The following SLC5A11 variants were observed in gnomAD, a reference collection of about 807,000 sequenced individuals.
The protein encoded by SLC5A11 is sodium/myo-inositol cotransporter 2.
In SLC5A11, 48 loss-of-function variants were observed where a neutral mutation model predicts 69.8. The ratio of observed to expected loss-of-function variants is 0.69; its 90% CI spans 0.55 to 0.87. SLC5A11 has a LOEUF of 0.87. Ranked by LOEUF, SLC5A11 falls within the 40% of genes least tolerant of loss-of-function variation. The pLI is 0.00. For missense variants in SLC5A11, 784 were observed against 866.1 expected, an observed-to-expected ratio of 0.91 and a Z score of 1.19; for synonymous variants, 319 against 342.4, an observed-to-expected ratio of 0.93 and a Z score of 0.75.
chr16:24,890,129 T>C (rs2048677217), intron 8 of SLC5A11, among the ~76,000 whole-genome samples: 1 of 152,090 alleles, frequency 6.6e-6, no homozygotes, highest in South Asian at 2.1e-4. Flanking sequence ...CATACAGATG[T>C]TTCTATACCG....
chr16:24,890,710 A>G (rs2048735862), intron 8 of SLC5A11, among the ~76,000 whole-genome samples, 159 bp from the exon 10 acceptor site: 1 of 152,010 alleles, frequency 6.6e-6, no homozygotes, highest in African/African-American at 2.4e-5. Context: ...AATTTTTTTA[A>G]GTTAAAAAAA....
intron 6 of SLC5A11, among the ~76,000 whole-genome samples, chr16:24,876,527 G>T (rs930028198): frequency 1.3e-5 from 2 of 152,184 alleles, no homozygotes; most frequent in African/African-American, 2.4e-5. Flanking sequence ...AGCTGTCTTC[G>T]CTTCCAGCCA....
intron 3 of SLC5A11, 135 bp from the exon 5 acceptor site, chr16:24,869,766 G>A: frequency 3.3e-6 from 2 of 610,948 alleles, no homozygotes; most frequent in Non-Finnish European, 2.9e-6. Context: ...AAACAAAAAT[G>A]CCAGATAGGC....
chr16:24,899,713 T>C (rs755548390), intron 10 of SLC5A11, among the ~76,000 whole-genome samples: 55 of 151,468 alleles, frequency 3.6e-4, no homozygotes, highest in Admixed American at 1.2e-3. Flanking sequence ...GCGGTACTTT[T>C]TCTTTTTTTT....
intron 1 of SLC5A11, among the ~76,000 whole-genome samples, chr16:24,855,526 A>C (rs1367206482): frequency 6.6e-6 from 1 of 151,788 alleles, no homozygotes; most frequent in Non-Finnish European, 1.5e-5. Flanking sequence ...TCTTGAGCCT[A>C]GGAGGTTGAA....
At chr16:24,888,359 A>G (rs1336328526) in intron 8 of SLC5A11, among the ~76,000 whole-genome samples, 1 of 152,158 alleles carries the variant, frequency 6.6e-6, no homozygotes, top group Non-Finnish European at 1.5e-5. Context: ...CATACTTAAT[A>G]CAGTCAAAGC....
intron 3 of SLC5A11, 84 bp downstream of exon 4, chr16:24,862,756 A>G: frequency 1.6e-6 from 2 of 1,254,480 alleles, no homozygotes; most frequent in East Asian, 4.7e-5. Flanking sequence ...ATATCTCAGG[A>G]CTCTCTGGTC....
In SLC5A11 at chr16:24,858,685, T is replaced by G. The variant is rs754597708; in HGVS notation, c.42T>G (p.Asp14Glu). 2 of 1,611,308 alleles carry G rather than the reference T, an allele frequency of 1.2e-6. No homozygotes were observed. The highest frequency in any genetic ancestry group is 1.7e-6 in the Non-Finnish European group (2 of 1,179,576). The change falls in exon 2 of 16, where the codon GAT (aspartate) becomes GAG (glutamate). Residue 14 changes from aspartate (D) to glutamate (E), a missense_variant. Around this residue, in one of 3 missense-constraint regions of SLC5A11, gnomAD observed 133 missense variants for 107.4 expected, o/e 1.24. Coordinates refer to ENST00000347898, the Ensembl canonical transcript of SLC5A11. ...GCAGCCCTCAGCCTCCACAGTTAGATCCCCTGGATGCGTTTCCCCAGAAGG... is the reference window on the plus strand; with the variant it reads ...GCAGCCCTCAGCCTCCACAGTTAGAGCCCCTGGATGCGTTTCCCCAGAAGG...
In SLC5A11 at chr16:24,906,973, G is replaced by A. The variant is rs371780696; in HGVS notation, c.1115-52G>A. On this transcript the variant is annotated intron_variant, in intron 11 of 15. Coordinates refer to ENST00000347898, the Ensembl canonical transcript of SLC5A11. ...TCCTCCAGTTGAGCCCACTGGGATC[G>A]GCTGCTTTGGCAGAAAAGGACCGAG... is the stretch of plus-strand genomic sequence containing the variant. 8.8e-6 allele frequency: 14 copies of A among 1,592,766 alleles called. No homozygotes were observed. In the African/African-American group the frequency reaches 1.3e-4, roughly 15 times the overall value.
At chr16:24,881,027 A>G (rs1018895142) in intron 7 of SLC5A11, among the ~76,000 whole-genome samples, 4 of 151,886 alleles carry the variant, frequency 2.6e-5, no homozygotes, top group Non-Finnish European at 5.9e-5. Context: ...AATATAGTGA[A>G]ACCCTGTCTC....
At chr16:24,903,207 T>C (rs999076731) in intron 10 of SLC5A11, among the ~76,000 whole-genome samples, 7 of 151,960 alleles carry the variant, frequency 4.6e-5, no homozygotes, top group African/African-American at 1.7e-4. Context: ...TTTTCTCTTA[T>C]TATTTTTAAC....
intron 1 of SLC5A11, among the ~76,000 whole-genome samples, chr16:24,853,639 A>G (rs1247445715): frequency 6.6e-6 from 1 of 152,206 alleles, no homozygotes; most frequent in Non-Finnish European, 1.5e-5. Context: ...GGCCACCTCC[A>G]AACCTGGGTT....
chr16:24,858,688 C>A (rs747676779), exon 2 of SLC5A11: 70 of 1,611,512 alleles, frequency 4.3e-5, no homozygotes, highest in Non-Finnish European at 5.7e-5. Context: ...AGTTAGATCC[C>A]CTGGATGCGT....
intron 4 of SLC5A11, among the ~76,000 whole-genome samples, 182 bp from the exon 6 acceptor site, chr16:24,871,978 C>T (rs537712413): frequency 3.8e-4 from 58 of 152,192 alleles, no homozygotes; most frequent in African/African-American, 1.3e-3. Flanking sequence ...TCTTCCTTCC[C>T]GAATCCATTC....
chr16:24,869,768 C>A, intron 3 of SLC5A11, 133 bp from the exon 5 acceptor site: 1 of 613,742 alleles, frequency 1.6e-6, no homozygotes, highest in South Asian at 2.0e-5. Context: ...ACAAAAATGC[C>A]AGATAGGCTA....
chr16:24,868,507 G>A lies in SLC5A11; in HGVS notation c.208-1394G>A, dbSNP rs555081692. On this transcript the variant is annotated intron_variant, in intron 3 of 15. Transcript: ENST00000347898. ...CCAGCTACTCGGGAGGCTGAGGCAGGAGAATGGCATGAACCTGGGGGATGG... is the reference window on the plus strand; with the variant it reads ...CCAGCTACTCGGGAGGCTGAGGCAGAAGAATGGCATGAACCTGGGGGATGG... Among the ~76,000 whole-genome samples the A allele has an allele frequency of 2.7e-5, 4 of 150,254 alleles. 1 individual carries two copies. The highest frequency in any genetic ancestry group is 9.8e-5 in the African/African-American group (4 of 40,944).
Position 24,858,615 on chromosome 16 carries a change from C to T in SLC5A11, c.-24-5C>T. The T allele has an allele frequency of 1.3e-6, 2 of 1,584,912 alleles. No homozygotes were observed. Among genetic ancestry groups the T allele is most frequent in the Non-Finnish European group, 8.6e-7 (1 of 1,163,784 alleles). The stretch of plus-strand genomic sequence containing the variant: ...GGCATTTGACTGGCATTTGCCCTTC[C>T]TCAGGATCCAGAGGTCTCGTTCAGG... On this transcript the variant is annotated splice_polypyrimidine_tract_variant and splice_region_variant and intron_variant, in intron 1 of 15. Transcript: ENST00000347898.
intron 15 of SLC5A11, 25 bp downstream of exon 16, chr16:24,910,502 C>T: frequency 1.2e-6 from 2 of 1,610,650 alleles, no homozygotes; most frequent in Non-Finnish European, 1.7e-6. Flanking sequence ...TCCTCAGTTA[C>T]AGCAAGAAGG....
chr16:24,865,004 G>A (rs919156793), intron 3 of SLC5A11, among the ~76,000 whole-genome samples: 2 of 152,100 alleles, frequency 1.3e-5, no homozygotes, highest in African/African-American at 2.4e-5. Context: ...AGATCTGTGG[G>A]ACATGATTAA....
Sources: allele counts gnomAD v4.1 joint callset (sites outside exome capture counted in the v4.1 genomes callset), GRCh38; gene constraint gnomAD v4.1.1; regional missense constraint gnomAD v4.1.1; transcripts MANE v1.5; gene names NCBI Gene and HGNC (gene_info 2026-07-23, HGNC 2026-07-21).